The following NCOR2 variants were observed in gnomAD, a reference collection of about 807,000 sequenced individuals.
NCOR2 encodes the protein CTG repeat protein 26.
In NCOR2, 81 loss-of-function variants were observed where a neutral mutation model predicts 262.9. That is an observed-to-expected ratio of 0.31 (90% CI 0.26 to 0.37). The LOEUF (loss-of-function observed/expected upper bound fraction) is 0.37. Ranked by LOEUF, NCOR2 falls within the 10% of genes least tolerant of loss-of-function variation. The pLI is 1.00. For synonymous variants in NCOR2, 1,659 were observed against 1,559.3 expected (o/e 1.06, Z -1.51); for missense variants, 3,385 against 3,621.4 (o/e 0.93, Z 1.68).
At chr12:124,486,149 T>A (rs975823899) in intron 2 of NCOR2, among the ~76,000 whole-genome samples, 2 of 151,942 alleles carry the variant, frequency 1.3e-5, no homozygotes, top group Non-Finnish European at 2.9e-5. Context: ...ACTCAAATCT[T>A]CCCACAGAAG....
In NCOR2 at chr12:124,333,971, C is replaced by T. The variant is rs12830731; in HGVS notation, c.6605+453G>A. Among the ~76,000 whole-genome samples the T allele has an allele frequency of 8.0e-5, 12 of 150,428 alleles. No homozygotes were observed. The East Asian group carries it at 1.2e-3, about 15-fold the overall frequency. ...GTGTGCACGTGTGTGTGTGCGGGTGCGCATGTGTGCGGGTGTGCATGTGTG... is the reference window on the plus strand; with the variant it reads ...GTGTGCACGTGTGTGTGTGCGGGTGTGCATGTGTGCGGGTGTGCATGTGTG... On this transcript the variant is annotated intron_variant, in intron 41 of 46. Transcript: ENST00000405201.
At chr12:124,424,072 G>A (rs545626834) in intron 11 of NCOR2, among the ~76,000 whole-genome samples, 20 of 152,282 alleles carry the variant, frequency 1.3e-4, no homozygotes, top group Non-Finnish European at 2.5e-4. Context: ...CCCACGGGCC[G>A]GCAGATAGCA....
intron 27 of NCOR2, among the ~76,000 whole-genome samples, chr12:124,351,731 T>C (rs1486539346): frequency 8.1e-6 from 1 of 124,136 alleles, no homozygotes; most frequent in Non-Finnish European, 1.7e-5. Flanking sequence ...GGACCTCCTT[T>C]CTGAGCCTCA....
Position 124,495,052 on chromosome 12 carries a change from C to A in NCOR2, c.105+95G>T. Reference sequence around the variant, plus strand: ...CCTGGGAGGCTCAGAGCCACATGAGCCTGGCTCCCAGGAGAAAGGAAGGGG... The same window carrying A: ...CCTGGGAGGCTCAGAGCCACATGAGACTGGCTCCCAGGAGAAAGGAAGGGG... On this transcript the variant is annotated intron_variant, in intron 1 of 46. Transcript: ENST00000405201. The surrounding 1 kb of genome is among the most constrained non-coding windows in gnomAD (Gnocchi z 4.4). The A allele has an allele frequency of 6.7e-7, 1 of 1,485,066 alleles. No homozygotes were observed. The highest frequency in any genetic ancestry group is 9.1e-7 in the Non-Finnish European group (1 of 1,099,362). The allele number at this position is 1,485,066 out of a possible 1,614,324, so 92.0% of individuals were successfully genotyped here. A position where few individuals can be genotyped will look rare whatever the true frequency, so the allele number is the denominator to read the frequency against.
At position 124,495,102 on chromosome 12, in the gene NCOR2, G is replaced by A. The variant is rs2048314604; in HGVS notation, c.105+45C>T. 1.9e-6 allele frequency: 3 copies of A among 1,601,344 alleles called. No individual in the cohort carries two copies. The highest frequency in any genetic ancestry group is 8.5e-7 in the Non-Finnish European group (1 of 1,173,282). On this transcript the variant is annotated intron_variant, in intron 1 of 46. Coordinates refer to ENST00000405201, the Ensembl canonical transcript of NCOR2. The surrounding 1 kb of genome is among the most constrained non-coding windows in gnomAD (Gnocchi z 4.4). ...GTGAAGACTCAGTGGAATGGAAGAA[G>A]GGTCTCAAAGGTAGCCCCAGGCGCA...
intron 5 of NCOR2, among the ~76,000 whole-genome samples, chr12:124,465,451 G>C (rs2046371973): frequency 6.6e-6 from 1 of 152,184 alleles, no homozygotes; most frequent in African/African-American, 2.4e-5. Flanking sequence ...CCAGCCCCTG[G>C]AGACACTGCT....
At chr12:124,494,802 G>A (rs541323822) in intron 1 of NCOR2, among the ~76,000 whole-genome samples, 20 of 152,284 alleles carry the variant, frequency 1.3e-4, no homozygotes, top group South Asian at 2.1e-4. Context: ...CCAATACTGC[G>A]GCAGCGGGGG....
chr12:124,425,853 C>T (rs902242999), intron 11 of NCOR2, among the ~76,000 whole-genome samples: 2 of 152,172 alleles, frequency 1.3e-5, no homozygotes, highest in African/African-American at 2.4e-5. Context: ...CCTCTCTGAG[C>T]CTCCGTGTCA....
intron 1 of NCOR2, among the ~76,000 whole-genome samples, chr12:124,506,360 C>T (rs908448963): frequency 6.6e-6 from 1 of 152,058 alleles, no homozygotes; most frequent in Non-Finnish European, 1.5e-5. Context: ...TCGGAGCCTC[C>T]GAGGAGGCCC....
intron 13 of NCOR2, among the ~76,000 whole-genome samples, chr12:124,418,217 C>T (rs1336170884): frequency 1.3e-5 from 2 of 152,202 alleles, no homozygotes; most frequent in Non-Finnish European, 2.9e-5. Flanking sequence ...CAAGAAAACC[C>T]TCTCCACAAA....
chr12:124,384,542 A>G (rs2040651262), intron 17 of NCOR2, among the ~76,000 whole-genome samples: 1 of 152,170 alleles, frequency 6.6e-6, no homozygotes, highest in Non-Finnish European at 1.5e-5. Flanking sequence ...CGGAGCCACC[A>G]GCGGCCGCGC....
intron 16 of NCOR2, among the ~76,000 whole-genome samples, chr12:124,390,486 C>T (rs1284991387): frequency 2.0e-5 from 3 of 151,880 alleles, no homozygotes; most frequent in Non-Finnish European, 2.9e-5. Context: ...TGACCCCCCC[C>T]CGTCGCCCTG....
At chr12:124,365,094 G>A (rs1566401176) in intron 20 of NCOR2, among the ~76,000 whole-genome samples, 1 of 152,124 alleles carries the variant, frequency 6.6e-6, no homozygotes, top group South Asian at 2.1e-4. Flanking sequence ...GAAGCAGCCC[G>A]GCCTGCATTT....
intron 22 of NCOR2, among the ~76,000 whole-genome samples, chr12:124,359,578 C>G (rs10846661): frequency 0.085 from 12,927 of 152,302 alleles, 661 homozygotes; most frequent in African/African-American, 0.13. Context: ...GCCTGCCTCA[C>G]ATCTGGAGAT....
intron 4 of NCOR2, among the ~76,000 whole-genome samples, chr12:124,472,109 G>T (rs1265920947): frequency 3.9e-5 from 6 of 152,216 alleles, no homozygotes; most frequent in Admixed American, 3.9e-4. Flanking sequence ...TTGGGGGTGT[G>T]TGTTCCTGTA....
At chr12:124,455,793 G>A (rs1192404904) in intron 6 of NCOR2, among the ~76,000 whole-genome samples, 1 of 152,262 alleles carries the variant, frequency 6.6e-6, no homozygotes, top group Non-Finnish European at 1.5e-5. Flanking sequence ...CTGTGGTACT[G>A]GGAGGTCAGC....
chr12:124,470,869 C>G (rs2046796637), intron 4 of NCOR2, among the ~76,000 whole-genome samples: 1 of 152,224 alleles, frequency 6.6e-6, no homozygotes, highest in African/African-American at 2.4e-5. Context: ...AAACAAAAAC[C>G]TAACCATTGA....
At chr12:124,355,646 A>C in intron 23 of NCOR2, 75 bp from the exon 26 acceptor site, 3 of 1,457,970 alleles carry the variant, frequency 2.1e-6, no homozygotes, top group Non-Finnish European at 1.8e-6. Context: ...TCCAGGCTGC[A>C]CTCCACCTCT....
At position 124,504,549 on chromosome 12, in the gene NCOR2, C is replaced by T. The variant is rs1221131953; in HGVS notation, c.-117-9181G>A. Among the ~76,000 whole-genome samples, 8 of 152,174 alleles carry T rather than the reference C, an allele frequency of 5.3e-5. No individual in the cohort carries two copies. Among genetic ancestry groups the T allele is most frequent in the Non-Finnish European group, 8.8e-5 (6 of 68,036 alleles). ...CTCCTAGCTACACATCCCCAAGGAA[C>T]GGAAAACTGGTGACAAAACAAACAG... On this transcript the variant is annotated intron_variant, in intron 1 of 46. Coordinates refer to the NCOR2 transcript ENST00000404621. This position sits in a 1 kb window ranked among gnomAD's most constrained non-coding sequence, Gnocchi z 4.5.
Sources: gnomAD v4.1 joint callset for allele counts (sites outside exome capture counted in the v4.1 genomes callset) on GRCh38, gnomAD v4.1.1 for gene constraint, Gnocchi (gnomAD v3.1) non-coding constraint, MANE v1.5 for transcripts, NCBI Gene and HGNC (gene_info 2026-07-23, HGNC 2026-07-21) for gene names.